Variants in CEP112 observed in about 807,000 individuals in gnomAD.
CEP112 encodes centrosomal protein of 112 kDa.
In CEP112, 127 loss-of-function variants were observed where a neutral mutation model predicts 153.0. The ratio of observed to expected loss-of-function variants is 0.83; its 90% confidence interval spans 0.72 to 0.96. The LOEUF is 0.96. CEP112 is among the 40% of genes least tolerant of loss of function. CEP112 has a pLI of 0.00. For missense variants in CEP112, 1,089 were observed against 1,101.2 expected (o/e 0.99, Z 0.16); for synonymous variants, 358 against 374.4 (o/e 0.96, Z 0.51).
chr17:65,645,023 C>A (rs1054988317), intron 24 of CEP112, among the ~76,000 whole-genome samples: 3 of 151,926 alleles, frequency 2.0e-5, no homozygotes, highest in African/African-American at 7.3e-5. Context: ...ATTAATTTTC[C>A]TGAGACATTG....
intron 21 of CEP112, among the ~76,000 whole-genome samples, chr17:65,842,665 C>T (rs1046882077): frequency 3.3e-5 from 5 of 152,134 alleles, no homozygotes; most frequent in Non-Finnish European, 7.4e-5. Context: ...TATTCTAATA[C>T]TTGTTTAGTG....
chr17:66,173,833 C>T (rs564195972), intron 4 of CEP112, among the ~76,000 whole-genome samples: 1 of 152,300 alleles, frequency 6.6e-6, no homozygotes, highest in African/African-American at 2.4e-5. Flanking sequence ...TGAATATGCC[C>T]TTAATTATTT....
chr17:65,673,648 C>T (rs775241488), intron 24 of CEP112, among the ~76,000 whole-genome samples: 6 of 151,780 alleles, frequency 4.0e-5, no homozygotes, highest in South Asian at 2.1e-4. Flanking sequence ...ATGTATGAAA[C>T]GAAACTCTCA....
At chr17:65,965,807 T>G (rs2062394561) in intron 17 of CEP112, among the ~76,000 whole-genome samples, 1 of 152,178 alleles carries the variant, frequency 6.6e-6, no homozygotes, top group African/African-American at 2.4e-5. Flanking sequence ...CATAAGCCGC[T>G]GCACCTGGCC....
intron 8 of CEP112, among the ~76,000 whole-genome samples, chr17:66,085,918 G>A (rs563617555): frequency 3.3e-5 from 5 of 150,458 alleles, no homozygotes; most frequent in East Asian, 2.0e-4. Context: ...TGGAGGTTGC[G>A]GTGAGCTGAA....
chr17:65,932,177 A>C (rs1393608313), intron 18 of CEP112, among the ~76,000 whole-genome samples: 1 of 152,136 alleles, frequency 6.6e-6, no homozygotes, highest in Non-Finnish European at 1.5e-5. Flanking sequence ...CTCGTAACTA[A>C]AGAACCCAAT....
intron 20 of CEP112, among the ~76,000 whole-genome samples, chr17:65,893,693 C>T (rs1402613509): frequency 4.6e-5 from 7 of 151,998 alleles, no homozygotes; most frequent in African/African-American, 9.7e-5. Context: ...ACAAATATTA[C>T]AATAGTTCGA....
intron 23 of CEP112, among the ~76,000 whole-genome samples, chr17:65,693,554 G>A (rs232131): frequency 0.49 from 75,066 of 151,670 alleles, 19,112 homozygotes; most frequent in African/African-American, 0.6. Context: ...AAGTGGAACC[G>A]TTGACAGGGA....
At chr17:65,822,637 G>T (rs2056647515) in intron 21 of CEP112, among the ~76,000 whole-genome samples, 1 of 152,086 alleles carries the variant, frequency 6.6e-6, no homozygotes, top group South Asian at 2.1e-4. Context: ...AATTACAAAT[G>T]CTCATGTATT....
intron 18 of CEP112, among the ~76,000 whole-genome samples, chr17:65,943,040 T>C (rs1374736057): frequency 1.3e-5 from 2 of 152,202 alleles, no homozygotes; most frequent in African/African-American, 2.4e-5. Context: ...TATGAATAGA[T>C]AGGCTTAAGG....
chr17:65,897,718 A>G (rs1424345081), intron 20 of CEP112, among the ~76,000 whole-genome samples: 1 of 152,136 alleles, frequency 6.6e-6, no homozygotes, highest in Non-Finnish European at 1.5e-5. Context: ...TTCTCAATAA[A>G]TTAAAATGAA....
At chr17:66,140,983 T>C (rs537102354) in intron 4 of CEP112, among the ~76,000 whole-genome samples, 1 of 152,186 alleles carries the variant, frequency 6.6e-6, no homozygotes, top group South Asian at 2.1e-4. Context: ...CAGTATAATC[T>C]TGATGAGCAT....
chr17:66,183,422 A>G, intron 1 of CEP112, 115 bp from the exon 2 acceptor site: 1 of 590,604 alleles, frequency 1.7e-6, no homozygotes, highest in Non-Finnish European at 2.8e-6. Context: ...CCCCAAATTG[A>G]CCTGTAGATT....
intron 18 of CEP112, among the ~76,000 whole-genome samples, chr17:65,935,074 G>A (rs1002673639): frequency 6.6e-5 from 10 of 152,178 alleles, no homozygotes; most frequent in African/African-American, 2.2e-4. Context: ...CACTTCATAC[G>A]TGGGGATTAT....
chr17:65,746,540 C>A (rs185911236), intron 22 of CEP112, among the ~76,000 whole-genome samples: 78 of 152,024 alleles, frequency 5.1e-4, no homozygotes, highest in Admixed American at 5.0e-3. Flanking sequence ...GAGAAATAAT[C>A]ATAATAATCA....
intron 6 of CEP112, among the ~76,000 whole-genome samples, chr17:66,125,561 T>C (rs535930168): frequency 6.6e-6 from 1 of 151,690 alleles, no homozygotes; most frequent in East Asian, 1.9e-4. Context: ...CTAACCTACA[T>C]GAAAAAAAAA....
At chr17:65,953,322 T>C (rs2061898026) in intron 18 of CEP112, among the ~76,000 whole-genome samples, 1 of 152,210 alleles carries the variant, frequency 6.6e-6, no homozygotes, top group African/African-American at 2.4e-5. Flanking sequence ...CAGATTAAGA[T>C]GGCAGACAGG....
rs375918163 is a variant in CEP112 at position 65,727,253 on chromosome 17, A to AT, written c.2607+15814dup. ...TATTTGATTATGAGTAAGAATGAGCATTTTTTTTTTCATAAGTTTGCTGGA... is the reference window on the plus strand; with the variant it reads ...TATTTGATTATGAGTAAGAATGAGCATTTTTTTTTTTCATAAGTTTGCTGGA... On this transcript the variant is annotated intron_variant, in intron 23 of 26. Coordinates refer to ENST00000535342, the MANE Select transcript of CEP112 (RefSeq NM_001199165.4). Among the ~76,000 whole-genome samples the AT allele has an allele frequency of 7.1e-4, 106 of 148,986 alleles. 1 individual carries two copies. Among genetic ancestry groups the AT allele is most frequent in the Middle Eastern group, 3.4e-3 (1 of 290 alleles).
chr17:65,744,913 T>C (rs2051353953), intron 22 of CEP112, among the ~76,000 whole-genome samples: 1 of 152,168 alleles, frequency 6.6e-6, no homozygotes, highest in Non-Finnish European at 1.5e-5. Flanking sequence ...TATAATTCTT[T>C]TGGTCCTAAG....
Sources: gnomAD v4.1 joint callset for allele counts (sites outside exome capture counted in the v4.1 genomes callset) on GRCh38, gnomAD v4.1.1 for gene constraint, MANE v1.5 for transcripts, NCBI Gene and HGNC (gene_info 2026-07-23, HGNC 2026-07-21) for gene names.